CAVIN2: variants seen among roughly 807,000 people sequenced by gnomAD.
CAVIN2 encodes caveolae-associated protein 2.
In CAVIN2, 13 loss-of-function variants were observed where a neutral mutation model predicts 11.7. The observed-to-expected ratio is 1.11, with a 90% CI of 0.72 to 1.77. The LOEUF is 1.77. Ranked by LOEUF, CAVIN2 falls within the 40% of genes most tolerant of loss-of-function variation. The pLI is 0.00. For synonymous variants in CAVIN2, 237 were observed against 223.2 expected (o/e 1.06, Z -0.55); for missense variants, 549 against 542.9 (o/e 1.01, Z -0.11).
rs1690173513 is a variant in CAVIN2 at position 191,846,700 on chromosome 2, G to A, written c.226C>T (p.Gln76Ter). ...VNMLDAVQEN[Q>*]HKMEQRQISL... The stretch of plus-strand genomic sequence containing the variant: ...ATCTGTCGCTGCTCCATCTTGTGCT[G>A]GTTCTCCTGCACAGCGTCTAGCATG... The change falls in exon 1 of 2, where the codon CAG becomes TAG. Residue 76 changes from glutamine to a stop codon, truncating the protein, a stop_gained. Transcript: ENST00000304141. LOFTEE classifies it high-confidence loss of function. The A allele has an allele frequency of 1.2e-6, 2 of 1,614,198 alleles. No homozygotes were observed. Among genetic ancestry groups the A allele is most frequent in the Non-Finnish European group, 8.5e-7 (1 of 1,180,046 alleles).
chr2:191,846,207 G>A (rs1356419453), intron 1 of CAVIN2, among the ~76,000 whole-genome samples: 1 of 152,182 alleles, frequency 6.6e-6, no homozygotes, highest in Non-Finnish European at 1.5e-5. Flanking sequence ...ATGACCCGGG[G>A]CCTACTAAGC....
rs897945083 is a variant in CAVIN2 at position 191,846,551 on chromosome 2, C to A, written c.375G>T (p.Thr125=). ...LEKSRKVSAH[T]RAVKERMDRQ... Reference sequence around the variant, plus strand: ...TATCCATGCGCTCTTTGACCGCGCGCGTGTGGGCGCTGACCTTGCGGGACT... The same window carrying A: ...TATCCATGCGCTCTTTGACCGCGCGAGTGTGGGCGCTGACCTTGCGGGACT... Residue 125 remains threonine (T), a synonymous_variant, in exon 1 of 2, where the codon ACG becomes ACT. Coordinates refer to ENST00000304141, the MANE Select transcript of CAVIN2 (RefSeq NM_004657.6). 1 of 1,614,250 alleles carries A rather than the reference C, an allele frequency of 6.2e-7. No homozygotes were observed.
At position 191,845,661 on chromosome 2, in the gene CAVIN2, T is replaced by C. The variant is rs532693010; in HGVS notation, c.483+782A>G. On this transcript the variant is annotated intron_variant, in intron 1 of 1. Coordinates refer to ENST00000304141, the MANE Select transcript of CAVIN2 (RefSeq NM_004657.6). ...GCCTCTTGCTACATTAATTGCATCATTGATGCATTAAAAAAAATTAAGTGG... is the reference window on the plus strand; with the variant it reads ...GCCTCTTGCTACATTAATTGCATCACTGATGCATTAAAAAAAATTAAGTGG... Among the ~76,000 whole-genome samples, 170 of 152,276 alleles carry C rather than the reference T, an allele frequency of 1.1e-3. 1 individual carries two copies. The highest frequency in any genetic ancestry group is 3.8e-3 in the African/African-American group (159 of 41,564).
In CAVIN2 at chr2:191,846,972, C is replaced by T. The variant is rs1201925540; in HGVS notation, c.-47G>A. 1.3e-6 allele frequency: 2 copies of T among 1,549,416 alleles called. No homozygotes were observed. On this transcript the variant is annotated 5_prime_UTR_variant, in exon 1 of 2. Coordinates refer to ENST00000304141, the MANE Select transcript of CAVIN2 (RefSeq NM_004657.6). ...CTTTCTCTCTGGGAGCTGCTTCTTG[C>T]TCGGGTGAGAAGTTGCGGTGGTGAG...
In CAVIN2 at chr2:191,836,376, G is replaced by T. The variant is rs776378264; in HGVS notation, c.825C>A (p.Leu275=). The T allele has an allele frequency of 2.5e-6, 4 of 1,614,160 alleles. No homozygotes were observed. In the East Asian group the frequency reaches 8.9e-5, roughly 36 times the overall value. Residue 275 remains leucine, a synonymous_variant, in exon 2 of 2, where the codon CTC becomes CTA. Coordinates refer to ENST00000304141, the MANE Select transcript of CAVIN2 (RefSeq NM_004657.6). ...VERREKIKKS[L]TSNHQKISSG... ...AGGATATTTTCTGGTGATTTGACGTGAGAGATTTCTTAATCTTCTCTCTCC... is the reference window on the plus strand; with the variant it reads ...AGGATATTTTCTGGTGATTTGACGTTAGAGATTTCTTAATCTTCTCTCTCC...
Position 191,846,956 on chromosome 2 carries a change from T to C in CAVIN2, c.-31A>G, listed in dbSNP as rs1463583473. 6.4e-7 allele frequency: 1 copy of C among 1,563,954 alleles called. No individual in the cohort carries two copies. The highest frequency in any genetic ancestry group is 8.6e-7 in the Non-Finnish European group (1 of 1,159,560). ...GGCAGGTGGGAACGTTCTTTCTCTC[T>C]GGGAGCTGCTTCTTGCTCGGGTGAG... On this transcript the variant is annotated 5_prime_UTR_variant, in exon 1 of 2. Coordinates refer to ENST00000304141, the MANE Select transcript of CAVIN2 (RefSeq NM_004657.6).
chr2:191,846,318 G>A (rs1690164373), intron 1 of CAVIN2, 125 bp downstream of exon 1: 2 of 1,182,974 alleles, frequency 1.7e-6, no homozygotes, highest in Non-Finnish European at 2.3e-6. Context: ...AGGGGACAGT[G>A]CCTTGTATGT....
chr2:191,845,410 T>C (rs963555903), intron 1 of CAVIN2, among the ~76,000 whole-genome samples: 1 of 152,210 alleles, frequency 6.6e-6, no homozygotes, highest in Non-Finnish European at 1.5e-5. Flanking sequence ...ACAATCAAAC[T>C]GTTGGTTATA....
At chr2:191,840,425 G>A (rs567943393) in intron 1 of CAVIN2, among the ~76,000 whole-genome samples, 1 of 152,320 alleles carries the variant, frequency 6.6e-6, no homozygotes, top group South Asian at 2.1e-4. Context: ...CAGCTCCCCT[G>A]ATGCAGGTGT....
chr2:191,834,985 C>G lies in CAVIN2; in HGVS notation c.*938G>C, dbSNP rs1487914133. 1 of 151,958 alleles carries G rather than the reference C, an allele frequency of 6.6e-6. No individual in the cohort carries two copies. Among genetic ancestry groups the G allele is most frequent in the African/African-American group, 2.4e-5 (1 of 41,402 alleles). The allele number at this position is 151,958 out of a possible 1,614,324, so 9.4% of individuals were successfully genotyped here. On this transcript the variant is annotated 3_prime_UTR_variant, in exon 2 of 2. Coordinates refer to ENST00000304141, the MANE Select transcript of CAVIN2 (RefSeq NM_004657.6). ...TATATTCGTTCCAGTGTTAACAAGA[C>G]AACATCCTTTTGAACTTCCTTAAAG...
chr2:191,846,307 CAG>C (rs906503277), intron 1 of CAVIN2, 134 bp downstream of exon 1: 3 of 1,091,636 alleles, frequency 2.7e-6, no homozygotes, highest in Admixed American at 5.7e-5. Flanking sequence ...CGCAGGCAGA[CAG>C]GGGACAGTGC....
At chr2:191,845,874 T>C (rs1331654475) in intron 1 of CAVIN2, among the ~76,000 whole-genome samples, 1 of 152,172 alleles carries the variant, frequency 6.6e-6, no homozygotes, top group Non-Finnish European at 1.5e-5. Flanking sequence ...CAAGATTGCT[T>C]TGCCCCAAAA....
At chr2:191,840,064 C>A (rs982619480) in intron 1 of CAVIN2, among the ~76,000 whole-genome samples, 5 of 152,204 alleles carry the variant, frequency 3.3e-5, no homozygotes, top group Non-Finnish European at 7.3e-5. Context: ...CTCACCTGCA[C>A]ACGTGCCCTG....
chr2:191,836,124 C>T lies in CAVIN2; in HGVS notation c.1077G>A (p.Ala359=). The T allele has an allele frequency of 6.2e-7, 1 of 1,614,206 alleles. No homozygotes were observed. Among genetic ancestry groups the T allele is most frequent in the Non-Finnish European group, 8.5e-7 (1 of 1,180,032 alleles). Reference sequence around the variant, plus strand: ...TCCCCGAGTTACTCCCCCTGGAGGTCGCCTTCTCAGCAGCCTCCTCTGCAA... The same window carrying T: ...TCCCCGAGTTACTCCCCCTGGAGGTTGCCTTCTCAGCAGCCTCCTCTGCAA... ...GEIAEEAAEK[A]TSRGSNSGMD... The change falls in exon 2 of 2, where the codon GCG becomes GCA. Residue 359 remains alanine (A), a synonymous_variant. Coordinates refer to ENST00000304141, the MANE Select transcript of CAVIN2 (RefSeq NM_004657.6).
At chr2:191,837,788 G>A (rs765813690) in intron 1 of CAVIN2, among the ~76,000 whole-genome samples, 24 of 152,230 alleles carry the variant, frequency 1.6e-4, no homozygotes, top group Non-Finnish European at 3.5e-4. Context: ...GAGCCAGTCA[G>A]CAAGATGTCT....
rs541725127 is a variant in CAVIN2, at chr2:191,836,179, G to C, written c.1022C>G (p.Ser341Cys). The change falls in exon 2 of 2, where the codon TCC becomes TGC. Residue 341 changes from serine (S) to cysteine (C), a missense_variant. Ser to Cys is a moderately radical substitution (Grantham distance 112). Transcript: ENST00000304141. ...ESFAEGHSEA[S>C]LASALVEGEI... ...CCCTTCCACCAGAGCGCTGGCGAGGGACGCTTCGGAATGACCCTCTGCAAA... is the reference window on the plus strand; with the variant it reads ...CCCTTCCACCAGAGCGCTGGCGAGGCACGCTTCGGAATGACCCTCTGCAAA... 1 of 1,614,156 alleles carries C rather than the reference G, an allele frequency of 6.2e-7. No individual in the cohort carries two copies. The highest frequency in any genetic ancestry group is 1.1e-5 in the South Asian group (1 of 91,086).
Position 191,846,622 on chromosome 2 carries a change from T to G in CAVIN2, c.304A>C (p.Lys102Gln). ...GIQNDLTKLS[K>Q]YQASTSNTVS... Reference sequence around the variant, plus strand: ...GTGTTGCTGGTGGAGGCCTGGTACTTGGAGAGCTTGGTGAGGTCATTCTGG... The same window carrying G: ...GTGTTGCTGGTGGAGGCCTGGTACTGGGAGAGCTTGGTGAGGTCATTCTGG... Residue 102 changes from lysine to glutamine, a missense_variant, in exon 1 of 2, where the codon AAG (lysine) becomes CAG (glutamine). Transcript: ENST00000304141. 6.2e-7 allele frequency: 1 copy of G among 1,614,270 alleles called. No homozygotes were observed. Among genetic ancestry groups the G allele is most frequent in the Non-Finnish European group, 8.5e-7 (1 of 1,180,048 alleles).
At chr2:191,844,771 A>G (rs973469806) in intron 1 of CAVIN2, among the ~76,000 whole-genome samples, 8 of 152,186 alleles carry the variant, frequency 5.3e-5, no homozygotes, top group Non-Finnish European at 8.8e-5. Flanking sequence ...CTACTAGCAT[A>G]TCCTCTCCAT....
intron 1 of CAVIN2, among the ~76,000 whole-genome samples, chr2:191,844,773 C>G (rs1165886782): frequency 6.6e-6 from 1 of 151,976 alleles, no homozygotes; most frequent in Admixed American, 6.6e-5. Flanking sequence ...ACTAGCATAT[C>G]CTCTCCATCC....
Sources: allele counts gnomAD v4.1 joint callset (sites outside exome capture counted in the v4.1 genomes callset), GRCh38; gene constraint gnomAD v4.1.1; transcripts MANE v1.5; gene names NCBI Gene and HGNC (gene_info 2026-07-23, HGNC 2026-07-21).